EIF3J: variants seen among roughly 807,000 people sequenced by gnomAD.
EIF3J encodes eukaryotic translation initiation factor 3 subunit J.
A neutral mutation model predicts 39.0 loss-of-function variants in EIF3J; 15 were observed. The ratio of observed to expected loss-of-function variants is 0.38; its 90% CI spans 0.26 to 0.59. EIF3J has a LOEUF of 0.59. Ranked by LOEUF, EIF3J falls within the 20% of genes least tolerant of loss-of-function variation. The pLI is 0.60. For missense variants in EIF3J, 226 were observed against 308.6 expected, an observed-to-expected ratio of 0.73 and a Z score of 2.00; for synonymous variants, 98 against 112.9, an observed-to-expected ratio of 0.87 and a Z score of 0.84.
At chr15:44,548,449 C>T (rs186699276) in intron 2 of EIF3J, among the ~76,000 whole-genome samples, 2 of 152,030 alleles carry the variant, frequency 1.3e-5, no homozygotes, top group East Asian at 1.9e-4. Context: ...AGTATGGTAC[C>T]GTTATATGGA....
chr15:44,550,467 T>TC (rs2082089852), intron 2 of EIF3J, among the ~76,000 whole-genome samples: 1 of 143,696 alleles, frequency 7.0e-6, no homozygotes, highest in African/African-American at 2.5e-5. Flanking sequence ...AATTTTTTAA[T>TC]TTTTTTTTTT....
rs1176587379 is a variant in EIF3J at position 44,561,000 on chromosome 15, ACT to A, written c.646-13_646-12del. 5.0e-6 allele frequency: 8 copies of A among 1,611,772 alleles called. No homozygotes were observed. Among genetic ancestry groups the A allele is most frequent in the African/African-American group, 1.3e-5 (1 of 74,812 alleles). ...ATAGCACACTAAGGTTCATGAATTA[ACT>A]CTCTTTCATCTTTAGCAAAGCAAAG... On this transcript the variant is annotated splice_polypyrimidine_tract_variant and intron_variant, in intron 7 of 7. Coordinates refer to ENST00000261868, the MANE Select transcript of EIF3J (RefSeq NM_003758.4).
At chr15:44,551,091 T>G (rs2082095226) in intron 3 of EIF3J, among the ~76,000 whole-genome samples, 161 bp downstream of exon 3, 1 of 152,244 alleles carries the variant, frequency 6.6e-6, no homozygotes, top group Non-Finnish European at 1.5e-5. Flanking sequence ...CTGCAACTTT[T>G]CTCTATCGCC....
chr15:44,547,703 C>T (rs1265470518), intron 2 of EIF3J, among the ~76,000 whole-genome samples: 2 of 151,960 alleles, frequency 1.3e-5, no homozygotes, highest in Non-Finnish European at 2.9e-5. Flanking sequence ...CCACCTCAGC[C>T]TCCCAAAGTG....
rs1356197782 is a variant in EIF3J at position 44,561,850 on chromosome 15, G to A, written c.*701G>A. 2 of 152,556 alleles carry A rather than the reference G, an allele frequency of 1.3e-5. No individual in the cohort carries two copies. Among genetic ancestry groups the A allele is most frequent in the Non-Finnish European group, 2.9e-5 (2 of 68,030 alleles). The allele number at this position is 152,556 out of a possible 1,614,324, so 9.5% of individuals were successfully genotyped here. ...CTGATGAACTGCTTCAGGTGGGGGA[G>A]GGAAACTTATTTTTATTTGCCTGAT... is the stretch of plus-strand genomic sequence containing the variant. On this transcript the variant is annotated 3_prime_UTR_variant, in exon 8 of 8. Coordinates refer to ENST00000261868, the MANE Select transcript of EIF3J (RefSeq NM_003758.4).
intron 6 of EIF3J, chr15:44,558,963 T>C (rs2082167425): frequency 1.3e-5 from 2 of 152,204 alleles, no homozygotes; most frequent in Non-Finnish European, 2.9e-5. Context: ...TCCAGCTTCA[T>C]ATTTTTATAA....
intron 6 of EIF3J, 33 bp downstream of exon 6, chr15:44,557,683 A>T (rs750111988): frequency 1.6e-5 from 22 of 1,389,700 alleles, no homozygotes; most frequent in Non-Finnish European, 2.1e-5. Flanking sequence ...CCCTCTGGGT[A>T]GATTTTTAGT....
chr15:44,557,473 T>G lies in EIF3J; in HGVS notation c.410-16T>G. ...CTAACCTCCTGATACTTTTCAGTGC[T>G]TCTTTTCTCCTACAGGTGTTAATAA... On this transcript the variant is annotated splice_polypyrimidine_tract_variant and intron_variant, in intron 5 of 7. Transcript: ENST00000261868. 1 of 1,491,964 alleles carries G rather than the reference T, an allele frequency of 6.7e-7. No individual in the cohort carries two copies. The highest frequency in any genetic ancestry group is 1.8e-4 in the Middle Eastern group (1 of 5,670). The allele number at this position is 1,491,964 out of a possible 1,614,324, so 92.4% of individuals were successfully genotyped here. A position where few individuals can be genotyped will look rare whatever the true frequency, so the allele number is the denominator to read the frequency against.
intron 5 of EIF3J, among the ~76,000 whole-genome samples, chr15:44,555,532 C>T (rs1030426499): frequency 6.6e-6 from 1 of 152,212 alleles, no homozygotes; most frequent in African/African-American, 2.4e-5. Context: ...GATGTGAATG[C>T]TCCTGTGCAC....
chr15:44,545,180 G>T (rs1454901628), intron 2 of EIF3J, among the ~76,000 whole-genome samples: 1 of 152,082 alleles, frequency 6.6e-6, no homozygotes, highest in East Asian at 1.9e-4. Flanking sequence ...TATACTTCAG[G>T]ACTCAGGGAA....
rs981743329 is a variant in EIF3J at position 44,560,275 on chromosome 15, A to G, written c.598A>G (p.Thr200Ala). The stretch of plus-strand genomic sequence containing the variant: ...GGAAATTGATGACTTGAAAAAAATT[A>G]CCAATTCACTGACTGTGCTTTGCAG... ...SLEIDDLKKI[T>A]NSLTVLCSEK... is the part of the protein sequence containing the mutation. The change falls in exon 7 of 8, where the codon ACC becomes GCC. Residue 200 changes from threonine (T) to alanine (A), a missense_variant. Transcript: ENST00000261868. The G allele has an allele frequency of 6.2e-6, 10 of 1,607,462 alleles. No individual in the cohort carries two copies. The highest frequency in any genetic ancestry group is 1.3e-5 in the African/African-American group (1 of 74,552).
chr15:44,549,286 G>A (rs576335588), intron 2 of EIF3J, among the ~76,000 whole-genome samples: 1 of 152,092 alleles, frequency 6.6e-6, no homozygotes, highest in South Asian at 2.1e-4. Flanking sequence ...AGCTGCTTGG[G>A]AGGCTGAGGC....
At chr15:44,547,268 C>T (rs1014157585) in intron 2 of EIF3J, among the ~76,000 whole-genome samples, 13 of 151,726 alleles carry the variant, frequency 8.6e-5, no homozygotes, top group African/African-American at 2.4e-4. Flanking sequence ...CTCAGCCTCC[C>T]GAGTAGCTGG....
intron 2 of EIF3J, among the ~76,000 whole-genome samples, chr15:44,550,466 AT>A (rs1013969411): frequency 1.6e-3 from 235 of 142,502 alleles, no homozygotes; most frequent in Middle Eastern, 3.6e-3. Context: ...TAATTTTTTA[AT>A]TTTTTTTTTT....
chr15:44,549,989 T>C (rs1236689833), intron 2 of EIF3J, among the ~76,000 whole-genome samples: 1 of 150,710 alleles, frequency 6.6e-6, no homozygotes, highest in Non-Finnish European at 1.5e-5. Flanking sequence ...TTTTATTGCA[T>C]AAATTTGTTG....
intron 2 of EIF3J, among the ~76,000 whole-genome samples, chr15:44,540,134 T>C (rs1307527185): frequency 6.7e-6 from 1 of 149,482 alleles, no homozygotes; most frequent in Middle Eastern, 3.3e-3. Flanking sequence ...AGACGGGGTT[T>C]CACCATCTTG....
chr15:44,539,533 G>A (rs572180166), intron 2 of EIF3J, among the ~76,000 whole-genome samples: 2 of 144,814 alleles, frequency 1.4e-5, no homozygotes, highest in East Asian at 4.3e-4. Context: ...TCAGCCTCCC[G>A]AGGACTACAG....
At chr15:44,556,063 C>CA (rs1398749070) in intron 5 of EIF3J, among the ~76,000 whole-genome samples, 1 of 152,062 alleles carries the variant, frequency 6.6e-6, no homozygotes, top group Non-Finnish European at 1.5e-5. Context: ...TACAAGGTTT[C>CA]ACCATGCTGC....
intron 2 of EIF3J, among the ~76,000 whole-genome samples, chr15:44,545,019 T>C (rs182665459): frequency 7.6e-4 from 114 of 150,864 alleles, no homozygotes; most frequent in African/African-American, 2.8e-3. Flanking sequence ...AAAAAAAAGA[T>C]CAGTAGAGAA....
Sources: allele counts gnomAD v4.1 joint callset (sites outside exome capture counted in the v4.1 genomes callset), GRCh38; gene constraint gnomAD v4.1.1; transcripts MANE v1.5; gene names NCBI Gene and HGNC (gene_info 2026-07-23, HGNC 2026-07-21).